Variants in PIP4P2 observed in about 807,000 individuals in gnomAD.
PIP4P2 encodes type 2 phosphatidylinositol 4,5-bisphosphate 4-phosphatase.
A neutral mutation model predicts 33.3 loss-of-function variants in PIP4P2; 19 were observed. The observed-to-expected ratio is 0.57, with a 90% CI of 0.40 to 0.84. PIP4P2 has a LOEUF of 0.84. PIP4P2 is among the 40% of genes least tolerant of loss of function. The pLI is 0.00. For synonymous variants in PIP4P2, 110 were observed against 111.9 expected, an observed-to-expected ratio of 0.98 and a Z score of 0.11; for missense variants, 270 against 324.7, an observed-to-expected ratio of 0.83 and a Z score of 1.29.
At chr8:91,017,200 A>G (rs1380503696) in intron 4 of PIP4P2, among the ~76,000 whole-genome samples, 1 of 152,198 alleles carries the variant, frequency 6.6e-6, no homozygotes, top group Non-Finnish European at 1.5e-5. Flanking sequence ...TTAAACACAT[A>G]GAAGTCTGGC....
chr8:91,002,313 G>C (rs1811709878), intron 5 of PIP4P2, among the ~76,000 whole-genome samples: 1 of 152,070 alleles, frequency 6.6e-6, no homozygotes, highest in Admixed American at 6.6e-5. Flanking sequence ...TGAAAGTCAA[G>C]GGCATATACA....
chr8:91,030,092 G>A (rs115316620), intron 1 of PIP4P2, among the ~76,000 whole-genome samples: 1,754 of 151,990 alleles, frequency 0.012, 35 homozygotes, highest in African/African-American at 0.04. Flanking sequence ...CAGCAAATGT[G>A]TAGAATTTAA....
Position 91,006,120 on chromosome 8 carries a change from G to GA in PIP4P2, c.539+2622dup, listed in dbSNP as rs1274280616. The stretch of plus-strand genomic sequence containing the variant: ...TAATTTTAGGATATTTGTGTTTAAA[G>GA]AAAAAAAATTCTGTCTCAGAATCTT... On this transcript the variant is annotated intron_variant, in intron 5 of 6. Transcript: ENST00000285419. Among the ~76,000 whole-genome samples the GA allele has an allele frequency of 3.3e-5, 5 of 151,958 alleles. No individual in the cohort carries two copies. In the East Asian group the frequency reaches 9.6e-4, roughly 29 times the overall value.
chr8:91,034,705 G>C (rs1008752874), intron 1 of PIP4P2, among the ~76,000 whole-genome samples: 1 of 152,086 alleles, frequency 6.6e-6, no homozygotes, highest in Non-Finnish European at 1.5e-5. Context: ...GTGGGTTTCC[G>C]AATCCTTGGC....
At chr8:91,004,085 G>A (rs1811736347) in intron 5 of PIP4P2, among the ~76,000 whole-genome samples, 1 of 152,042 alleles carries the variant, frequency 6.6e-6, no homozygotes, top group African/African-American at 2.4e-5. Flanking sequence ...CTTGCAACAG[G>A]GGATCTGTAA....
rs768655128 is a variant in PIP4P2, at chr8:90,996,719, G to A, written c.565C>T (p.Arg189Ter). The change falls in exon 6 of 7, where the codon CGA (arginine) becomes TGA (stop). Residue 189 changes from arginine to a stop codon, truncating the protein, a stop_gained. Coordinates refer to ENST00000285419, the MANE Select transcript of PIP4P2 (RefSeq NM_018710.3). LOFTEE classifies it high-confidence loss of function. Reference protein sequence around the residue: ...KISSVGSALPRRRCCAYITIG... With the variant: ...KISSVGSALP ...GTAATATATGCACAGCAGCGTCTTC[G>A]TGGAAGTGCACTACCCACTGAGGAG... 4.4e-6 allele frequency: 7 copies of A among 1,608,770 alleles called. No homozygotes were observed. Among genetic ancestry groups the A allele is most frequent in the East Asian group, 2.2e-5 (1 of 44,742 alleles).
intron 3 of PIP4P2, among the ~76,000 whole-genome samples, chr8:91,018,999 TTTCTA>T (rs1811959783): frequency 6.6e-6 from 1 of 152,128 alleles, no homozygotes; most frequent in Non-Finnish European, 1.5e-5. Flanking sequence ...CCTGCTTTCA[TTTCTA>T]TTCTCTAGTC....
At chr8:91,032,780 CAAAAAAAA>C (rs34482470) in intron 1 of PIP4P2, among the ~76,000 whole-genome samples, 6,910 of 98,744 alleles carry the variant, frequency 0.07, 260 homozygotes, top group African/African-American at 0.15. Flanking sequence ...GAGTCTGTCT[CAAAAAAAA>C]AAAAAAAAAA....
intron 1 of PIP4P2, among the ~76,000 whole-genome samples, chr8:91,032,549 G>A (rs1812177364): frequency 6.6e-6 from 1 of 152,140 alleles, no homozygotes; most frequent in South Asian, 2.1e-4. Context: ...GGGAGGCCAA[G>A]GTGGGTGGAT....
chr8:91,013,129 T>G (rs1563564208), intron 4 of PIP4P2, among the ~76,000 whole-genome samples: 1 of 152,196 alleles, frequency 6.6e-6, no homozygotes, highest in Non-Finnish European at 1.5e-5. Context: ...TTGCTATCCA[T>G]TCCTCTCCTA....
intron 1 of PIP4P2, among the ~76,000 whole-genome samples, chr8:91,035,057 T>C (rs948298026): frequency 2.0e-5 from 3 of 152,206 alleles, no homozygotes; most frequent in African/African-American, 7.2e-5. Context: ...AGAGTACATA[T>C]TAAATGATAT....
intron 1 of PIP4P2, among the ~76,000 whole-genome samples, chr8:91,038,065 T>C (rs545036959): frequency 1.3e-4 from 20 of 152,288 alleles, no homozygotes; most frequent in Admixed American, 1.1e-3. Flanking sequence ...TAGAGAACAC[T>C]AGACATGCTC....
rs954535201 is a variant in PIP4P2 at position 91,021,183 on chromosome 8, A to G, written c.255+73T>C. On this transcript the variant is annotated intron_variant, in intron 2 of 6. Coordinates refer to ENST00000285419, the MANE Select transcript of PIP4P2 (RefSeq NM_018710.3). ...CCCACATATACTTTTAAGTAACATTATTGAAGTACTTCCTTTAGGAATAAA... is the reference window on the plus strand; with the variant it reads ...CCCACATATACTTTTAAGTAACATTGTTGAAGTACTTCCTTTAGGAATAAA... The G allele has an allele frequency of 4.2e-5, 65 of 1,539,178 alleles. No homozygotes were observed. In the African/African-American group the frequency reaches 7.8e-4, roughly 18 times the overall value.
intron 1 of PIP4P2, among the ~76,000 whole-genome samples, chr8:91,022,648 G>GT (rs1188891565): frequency 6.6e-6 from 1 of 151,996 alleles, no homozygotes; most frequent in Non-Finnish European, 1.5e-5. Flanking sequence ...TGAAATAAAG[G>GT]TTTTCTATCC....
intron 3 of PIP4P2, among the ~76,000 whole-genome samples, chr8:91,019,674 A>G (rs1028656853): frequency 1.6e-4 from 25 of 151,638 alleles, no homozygotes; most frequent in Non-Finnish European, 3.7e-4. Context: ...CCTAGGCCCA[A>G]ATGATACTCC....
At chr8:91,018,247 C>T in intron 4 of PIP4P2, 143 bp downstream of exon 4, 1 of 1,319,024 alleles carries the variant, frequency 7.6e-7, no homozygotes, top group South Asian at 1.5e-5. Context: ...AGTTGCACTT[C>T]TGATTGTCTG....
chr8:90,996,830 T>A (rs552605229), intron 5 of PIP4P2, 86 bp from the exon 6 acceptor site: 3 of 1,019,864 alleles, frequency 2.9e-6, no homozygotes, highest in African/African-American at 1.7e-5. Flanking sequence ...ATCTATGGCT[T>A]TAGTAATATT....
At chr8:91,003,341 T>C (rs1465964030) in intron 5 of PIP4P2, among the ~76,000 whole-genome samples, 1 of 152,032 alleles carries the variant, frequency 6.6e-6, no homozygotes, top group Non-Finnish European at 1.5e-5. Flanking sequence ...TGAACTGAAG[T>C]AGAAATCATG....
intron 1 of PIP4P2, among the ~76,000 whole-genome samples, chr8:91,036,998 C>T (rs551593107): frequency 6.6e-6 from 1 of 152,242 alleles, no homozygotes; most frequent in South Asian, 2.1e-4. Context: ...CAGAGTGTTC[C>T]ACTTCTTACA....
Sources: allele counts gnomAD v4.1 joint callset (sites outside exome capture counted in the v4.1 genomes callset), GRCh38; gene constraint gnomAD v4.1.1; transcripts MANE v1.5; gene names NCBI Gene and HGNC (gene_info 2026-07-23, HGNC 2026-07-21).